Variants in WDFY3 observed in about 807,000 individuals in gnomAD.
The protein encoded by WDFY3 is WD repeat and FYVE domain-containing protein 3.
Under a neutral mutation model 409.6 loss-of-function variants are expected in WDFY3, and 66 were observed. The ratio of observed to expected loss-of-function variants is 0.16; its 90% CI spans 0.13 to 0.20. The LOEUF (loss-of-function observed/expected upper bound fraction) is 0.20, where lower values mean the gene tolerates loss of function less well. Among genes scored for constraint, WDFY3 ranks in the 10% least tolerant of loss-of-function variants. The probability of loss-of-function intolerance (pLI) is 1.00; values close to 1 mark genes in which losing one functional copy is unlikely to be tolerated. For missense variants in WDFY3, 3,031 were observed against 4,298.1 expected, an observed-to-expected ratio of 0.71 and a Z score of 8.24; for synonymous variants, 1,521 against 1,537.1, an observed-to-expected ratio of 0.99 and a Z score of 0.25.
intron 2 of WDFY3, among the ~76,000 whole-genome samples, chr4:84,928,847 C>T (rs543937305): frequency 1.8e-4 from 27 of 152,202 alleles, no homozygotes; most frequent in East Asian, 1.5e-3. Flanking sequence ...AAAAGTCACA[C>T]GCCACTTGAA....
At chr4:84,868,325 ACT>A (rs1407934774) in intron 3 of WDFY3, among the ~76,000 whole-genome samples, 2 of 152,006 alleles carry the variant, frequency 1.3e-5, no homozygotes, top group Non-Finnish European at 2.9e-5. Flanking sequence ...TAAAGGCAAA[ACT>A]CTGAGATGAT....
chr4:84,889,588 T>C (rs1256262196), intron 3 of WDFY3, among the ~76,000 whole-genome samples: 5 of 152,192 alleles, frequency 3.3e-5, no homozygotes, highest in Admixed American at 3.3e-4. Context: ...AAAGTTCTGG[T>C]GTCAGGCAGA....
In WDFY3 at chr4:84,778,593, A is replaced by C; in HGVS notation, c.4428T>G (p.Thr1476=). 6.2e-7 allele frequency: 1 copy of C among 1,612,918 alleles called. No homozygotes were observed. ...TATCAACAGTTCCCACCAAAGAAAA[A>C]GTTAGATGGAGGATGTGGCTGTTAA... ...SLLNSHILHL[T]FSLVGTVDSG... Residue 1476 remains threonine (T), a synonymous_variant, in exon 27 of 68, where the codon ACT becomes ACG. Coordinates refer to ENST00000295888, the MANE Select transcript of WDFY3 (RefSeq NM_014991.6).
chr4:84,928,360 CT>C (rs1770287232), intron 2 of WDFY3, among the ~76,000 whole-genome samples: 1 of 152,180 alleles, frequency 6.6e-6, no homozygotes, highest in African/African-American at 2.4e-5. Flanking sequence ...ACCAGCTTCC[CT>C]GGTTCTCCAG....
intron 44 of WDFY3, among the ~76,000 whole-genome samples, chr4:84,727,512 G>C (rs1262211830): frequency 1.3e-5 from 2 of 152,120 alleles, no homozygotes; most frequent in Non-Finnish European, 2.9e-5. Context: ...TCAGCCCCCA[G>C]ATCAGAAGCT....
chr4:84,829,549 C>A (rs1436332328), intron 8 of WDFY3, among the ~76,000 whole-genome samples: 1 of 152,016 alleles, frequency 6.6e-6, no homozygotes, highest in African/African-American at 2.4e-5. Context: ...AAAAAACTAT[C>A]TTCTAAGTTT....
At chr4:84,674,867 CA>C (rs1387853601) in intron 67 of WDFY3, among the ~76,000 whole-genome samples, 5 of 149,700 alleles carry the variant, frequency 3.3e-5, no homozygotes, top group Non-Finnish European at 4.4e-5. Context: ...GACTCCGTCT[CA>C]AAAAAAATAA....
chr4:84,723,720 G>A (rs868275042), intron 46 of WDFY3, among the ~76,000 whole-genome samples: 5 of 152,292 alleles, frequency 3.3e-5, no homozygotes, highest in Middle Eastern at 3.4e-3. Flanking sequence ...AGACATGAGC[G>A]AAGTATTATC....
intron 21 of WDFY3, among the ~76,000 whole-genome samples, chr4:84,792,650 C>T (rs542409261): frequency 2.0e-5 from 3 of 152,232 alleles, no homozygotes; most frequent in Non-Finnish European, 4.4e-5. Context: ...CATTTCTAAT[C>T]ATATATGGAC....
rs1169495019 is a variant in WDFY3, at chr4:84,751,651, T to C, written c.5805A>G (p.Thr1935=). 1.9e-6 allele frequency: 3 copies of C among 1,614,066 alleles called. No homozygotes were observed. The highest frequency in any genetic ancestry group is 2.5e-6 in the Non-Finnish European group (3 of 1,180,044). Residue 1935 remains threonine (T), a synonymous_variant, in exon 36 of 68, where the codon ACA becomes ACG. Coordinates refer to ENST00000295888, the MANE Select transcript of WDFY3 (RefSeq NM_014991.6). ...AEEFKAFAAD[T]GMNRSQSEYC... ...ACTCTGATTGGCTCCTGTTCATCCC[T>C]GTGTCTGCTGCAAACGCTTTAAACT... is the stretch of plus-strand genomic sequence containing the variant.
intron 5 of WDFY3, among the ~76,000 whole-genome samples, chr4:84,849,406 C>T (rs1291211006): frequency 1.3e-5 from 2 of 152,014 alleles, no homozygotes; most frequent in Non-Finnish European, 2.9e-5. Context: ...ATGACTTAAT[C>T]ATGCTGACAT....
At chr4:84,736,682 T>C (rs1737486041) in intron 41 of WDFY3, among the ~76,000 whole-genome samples, 1 of 152,170 alleles carries the variant, frequency 6.6e-6, no homozygotes, top group Non-Finnish European at 1.5e-5. Flanking sequence ...TAAAAGGCTA[T>C]ACAGCTTATA....
At chr4:84,704,855 T>C (rs888442506) in intron 54 of WDFY3, among the ~76,000 whole-genome samples, 2 of 152,220 alleles carry the variant, frequency 1.3e-5, no homozygotes, top group Non-Finnish European at 2.9e-5. Flanking sequence ...TACTACATAT[T>C]CTCCTTGGCA....
intron 30 of WDFY3, among the ~76,000 whole-genome samples, chr4:84,768,804 T>C (rs796494335): frequency 1.3e-5 from 2 of 152,190 alleles, no homozygotes; most frequent in South Asian, 4.1e-4. Flanking sequence ...ATTTAAGAAA[T>C]ACATTTCTTA....
chr4:84,912,983 C>T (rs1171583109), intron 2 of WDFY3, among the ~76,000 whole-genome samples: 1 of 152,158 alleles, frequency 6.6e-6, no homozygotes, highest in Non-Finnish European at 1.5e-5. Context: ...AATGAGAGTG[C>T]TTTCTGGATT....
chr4:84,707,053 T>G (rs933005596), intron 53 of WDFY3, among the ~76,000 whole-genome samples: 2 of 151,684 alleles, frequency 1.3e-5, no homozygotes, highest in Non-Finnish European at 2.9e-5. Context: ...ATCCTCCCAT[T>G]TCAGCCTCCT....
At chr4:84,728,248 A>G (rs371336730) in intron 44 of WDFY3, among the ~76,000 whole-genome samples, 9 of 152,052 alleles carry the variant, frequency 5.9e-5, no homozygotes, top group East Asian at 3.9e-4. Context: ...ACAAGATAGG[A>G]CCAGGAGCGG....
intron 6 of WDFY3, 137 bp downstream of exon 6, chr4:84,841,017 T>A: frequency 1.3e-6 from 1 of 748,802 alleles, no homozygotes; most frequent in Non-Finnish European, 2.1e-6. Context: ...TGAAATAATG[T>A]TTTAAAAAAG....
chr4:84,779,125 G>C (rs1746068833), intron 26 of WDFY3, among the ~76,000 whole-genome samples: 2 of 152,150 alleles, frequency 1.3e-5, no homozygotes, highest in South Asian at 2.1e-4. Flanking sequence ...GGAATGCTTA[G>C]AGTATAATTA....
Sources: gnomAD v4.1 joint callset for allele counts (sites outside exome capture counted in the v4.1 genomes callset) on GRCh38, gnomAD v4.1.1 for gene constraint, MANE v1.5 for transcripts, NCBI Gene and HGNC (gene_info 2026-07-23, HGNC 2026-07-21) for gene names.